The following VWC2L variants were observed in gnomAD, a reference collection of about 807,000 sequenced individuals.
VWC2L encodes the protein von Willebrand factor C domain containing 2 like, also known as von Willebrand factor C domain-containing protein 2-like.
A neutral mutation model predicts 21.6 loss-of-function variants in VWC2L; 10 were observed. The ratio of observed to expected loss-of-function variants is 0.46; its 90% CI spans 0.29 to 0.78. The LOEUF (loss-of-function observed/expected upper bound fraction) is 0.78. VWC2L is among the 30% of genes least tolerant of loss of function. The pLI is 0.10. For missense variants in VWC2L, 209 were observed against 277.1 expected, an observed-to-expected ratio of 0.75 and a Z score of 1.74; for synonymous variants, 96 against 94.3, an observed-to-expected ratio of 1.02 and a Z score of -0.10.
At chr2:214,453,532 G>A (rs1332197576) in intron 3 of VWC2L, among the ~76,000 whole-genome samples, 9 of 151,922 alleles carry the variant, frequency 5.9e-5, no homozygotes, top group Non-Finnish European at 1.3e-4. Flanking sequence ...AATTTTAATT[G>A]GTATTTCATT....
chr2:214,414,102 A>C lies in VWC2L; in HGVS notation c.-80-12A>C. The C allele has an allele frequency of 7.4e-7, 1 of 1,351,266 alleles. No homozygotes were observed. 83.7% of individuals were successfully genotyped at this position (1,351,266 alleles called of 1,614,324 possible). A position where few individuals can be genotyped will look rare whatever the true frequency, so the allele number is the denominator to read the frequency against. ...ATATGTCAAATTATTCTTTTTAAAT[A>C]TTTATTTTCAGCCTACCCCTCTTGT... On this transcript the variant is annotated splice_polypyrimidine_tract_variant and intron_variant, in intron 1 of 3. Transcript: ENST00000312504.
chr2:214,493,690 T>C (rs1046479780), intron 3 of VWC2L, among the ~76,000 whole-genome samples: 2 of 152,176 alleles, frequency 1.3e-5, no homozygotes, highest in African/African-American at 2.4e-5. Flanking sequence ...TTTACCTCCA[T>C]AACCAGGAAA....
chr2:214,513,182 C>A (rs981341014), intron 3 of VWC2L, among the ~76,000 whole-genome samples: 1 of 152,096 alleles, frequency 6.6e-6, no homozygotes, highest in Admixed American at 6.5e-5. Context: ...TTTGGTCAGA[C>A]AAGTGATTAC....
chr2:214,464,951 T>C (rs1703193545), intron 3 of VWC2L, among the ~76,000 whole-genome samples: 1 of 152,206 alleles, frequency 6.6e-6, no homozygotes, highest in African/African-American at 2.4e-5. Context: ...GTCTGGCTAC[T>C]GTCAATGTTC....
At chr2:214,558,065 G>T (rs990388146) in intron 3 of VWC2L, among the ~76,000 whole-genome samples, 1 of 152,180 alleles carries the variant, frequency 6.6e-6, no homozygotes, top group African/African-American at 2.4e-5. Context: ...AGGTCACCAA[G>T]GAGCTTGTCT....
chr2:214,480,864 C>CAAAAAAAAAAAAAAAAAAAAAAA (rs59720596), intron 3 of VWC2L, among the ~76,000 whole-genome samples: 2 of 71,748 alleles, frequency 2.8e-5, no homozygotes, highest in African/African-American at 1.1e-4. Flanking sequence ...TATGCCAAGC[C>CAAAAAAAAAAAAAAAAAAAAAAA]AAAAAAAAAA....
At chr2:214,422,923 A>G (rs531937960) in intron 2 of VWC2L, among the ~76,000 whole-genome samples, 1 of 152,172 alleles carries the variant, frequency 6.6e-6, no homozygotes, top group South Asian at 2.1e-4. Context: ...TATGTCACAT[A>G]ACCATGAACA....
chr2:214,504,123 A>G (rs1372012971), intron 3 of VWC2L, among the ~76,000 whole-genome samples: 2 of 152,256 alleles, frequency 1.3e-5, no homozygotes, highest in African/African-American at 4.8e-5. Flanking sequence ...CTAAAGTACT[A>G]AACAAAAATC....
chr2:214,514,576 C>T (rs1689110379), intron 3 of VWC2L, among the ~76,000 whole-genome samples: 1 of 152,074 alleles, frequency 6.6e-6, no homozygotes, highest in African/African-American at 2.4e-5. Context: ...AACATTTTGC[C>T]AAGCAGACAG....
chr2:214,573,017 G>A (rs994261410), intron 3 of VWC2L, among the ~76,000 whole-genome samples: 2 of 152,176 alleles, frequency 1.3e-5, no homozygotes, highest in Non-Finnish European at 2.9e-5. Context: ...AAGAAATGGT[G>A]TATAGAGGTT....
chr2:214,477,092 G>C (rs935325430), intron 3 of VWC2L, among the ~76,000 whole-genome samples: 1 of 152,196 alleles, frequency 6.6e-6, no homozygotes, highest in South Asian at 2.1e-4. Flanking sequence ...CTAAAGCTAC[G>C]TGACACCTCC....
intron 3 of VWC2L, among the ~76,000 whole-genome samples, chr2:214,452,641 A>G (rs923233635): frequency 6.6e-6 from 1 of 152,086 alleles, no homozygotes; most frequent in Non-Finnish European, 1.5e-5. Flanking sequence ...TGGTAGATGT[A>G]TACGTAACTT....
intron 2 of VWC2L, among the ~76,000 whole-genome samples, chr2:214,434,704 A>G (rs1006480659): frequency 1.3e-5 from 2 of 152,240 alleles, no homozygotes; most frequent in African/African-American, 2.4e-5. Flanking sequence ...AAAATTGCTT[A>G]GCATAATGCC....
At chr2:214,567,573 C>CAGAGAGAG (rs1191168160) in intron 3 of VWC2L, among the ~76,000 whole-genome samples, 22 of 141,898 alleles carry the variant, frequency 1.6e-4, no homozygotes, top group Non-Finnish European at 3.1e-4. Flanking sequence ...CACACACACA[C>CAGAGAGAG]ACACACACAC....
rs1390905672 is a variant in VWC2L at position 214,576,820 on chromosome 2, G to A, written c.*1000G>A. 3 of 152,132 alleles carry A rather than the reference G, an allele frequency of 2.0e-5. No individual in the cohort carries two copies. Among genetic ancestry groups the A allele is most frequent in the Non-Finnish European group, 1.5e-5 (1 of 68,024 alleles). 9.4% of individuals were successfully genotyped at this position (152,132 alleles called of 1,614,324 possible). The stretch of plus-strand genomic sequence containing the variant: ...GGCAGTTTTTGTGGTTCGGGACTGT[G>A]TTTGCCATGTTGTAGTAACAACCAC... On this transcript the variant is annotated 3_prime_UTR_variant, in exon 4 of 4. Coordinates refer to ENST00000312504, the MANE Select transcript of VWC2L (RefSeq NM_001080500.4).
chr2:214,524,618 G>C (rs1456659853), intron 3 of VWC2L, among the ~76,000 whole-genome samples: 6 of 152,172 alleles, frequency 3.9e-5, no homozygotes, highest in African/African-American at 9.7e-5. Flanking sequence ...TTTAGGTGCT[G>C]AGGATACAGT....
intron 3 of VWC2L, among the ~76,000 whole-genome samples, chr2:214,508,480 T>C (rs1418870412): frequency 1.3e-5 from 2 of 152,234 alleles, no homozygotes; most frequent in African/African-American, 4.8e-5. Context: ...CAAGCTTTGC[T>C]CATAGGATGA....
At chr2:214,530,393 C>A (rs1451045108) in intron 3 of VWC2L, among the ~76,000 whole-genome samples, 2 of 152,188 alleles carry the variant, frequency 1.3e-5, no homozygotes, top group East Asian at 1.9e-4. Context: ...TCTACACTTT[C>A]TAATAATATG....
At chr2:214,430,067 A>G (rs964321947) in intron 2 of VWC2L, among the ~76,000 whole-genome samples, 1 of 152,002 alleles carries the variant, frequency 6.6e-6, no homozygotes, top group African/African-American at 2.4e-5. Flanking sequence ...CGTGTGCTGC[A>G]CCTGCCTCGG....
Sources: allele counts gnomAD v4.1 joint callset (sites outside exome capture counted in the v4.1 genomes callset), GRCh38; gene constraint gnomAD v4.1.1; transcripts MANE v1.5; gene names NCBI Gene and HGNC (gene_info 2026-07-23, HGNC 2026-07-21).